METTL16: variants seen among roughly 807,000 people sequenced by gnomAD.
METTL16 encodes RNA N(6)-adenosine-methyltransferase METTL16.
In METTL16, 19 loss-of-function variants were observed where a neutral mutation model predicts 57.9. The ratio of observed to expected loss-of-function variants is 0.33; its 90% CI spans 0.23 to 0.48. The LOEUF is 0.48. Ranked by LOEUF, METTL16 falls within the 20% of genes least tolerant of loss-of-function variation. The pLI is 0.99. For synonymous variants in METTL16, 246 were observed against 255.6 expected, an observed-to-expected ratio of 0.96 and a Z score of 0.36; for missense variants, 434 against 691.5, an observed-to-expected ratio of 0.63 and a Z score of 4.18.
intron 6 of METTL16, among the ~76,000 whole-genome samples, chr17:2,451,728 G>A (rs1224600201): frequency 6.6e-6 from 1 of 152,032 alleles, no homozygotes; most frequent in Non-Finnish European, 1.5e-5. Flanking sequence ...AGAGAAATCG[G>A]GAGCAATTAG....
At chr17:2,454,068 G>A (rs1039139244) in intron 6 of METTL16, among the ~76,000 whole-genome samples, 1 of 152,064 alleles carries the variant, frequency 6.6e-6, no homozygotes, top group Non-Finnish European at 1.5e-5. Flanking sequence ...TGTTGTCCCA[G>A]CTTTGCCCTG....
chr17:2,424,839 TTGGG>T (rs1050774582), intron 8 of METTL16, among the ~76,000 whole-genome samples: 1 of 152,110 alleles, frequency 6.6e-6, no homozygotes, highest in African/African-American at 2.4e-5. Flanking sequence ...TCCCAGCTAC[TTGGG>T]AGGCTGAGGT....
chr17:2,504,141 T>C (rs1276523364), intron 1 of METTL16, among the ~76,000 whole-genome samples: 2 of 152,198 alleles, frequency 1.3e-5, no homozygotes, highest in East Asian at 3.8e-4. Context: ...TTGTATGCTT[T>C]CACTTATATG....
intron 5 of METTL16, among the ~76,000 whole-genome samples, chr17:2,465,416 T>A (rs1327246241): frequency 6.6e-6 from 1 of 151,638 alleles, no homozygotes; most frequent in Non-Finnish European, 1.5e-5. Context: ...GCGTGGTGGC[T>A]CACGCCTGTA....
Position 2,467,807 on chromosome 17 carries a change from A to C in METTL16, c.539T>G (p.Phe180Cys). The stretch of plus-strand genomic sequence containing the variant: ...AAAAAAGGGAGGGTTGCACATGCAA[A>C]AGTCATAGATTATCTCAGATTCTTC... ...LKEESEIIYD[F>C]CMCNPPFFAN... Residue 180 changes from phenylalanine (F) to cysteine (C), a missense_variant, in exon 5 of 10, where the codon TTT (phenylalanine) becomes TGT (cysteine). By Grantham distance (205) the Phe-to-Cys change is radical. This residue lies in a region of METTL16 where 118 missense variants were observed against 280.0 expected (regional missense o/e 0.42). Coordinates refer to ENST00000263092, the MANE Select transcript of METTL16 (RefSeq NM_024086.4). 1 of 1,614,208 alleles carries C rather than the reference A, an allele frequency of 6.2e-7. No homozygotes were observed. Among genetic ancestry groups the C allele is most frequent in the Non-Finnish European group, 8.5e-7 (1 of 1,180,028 alleles).
chr17:2,491,054 T>C (rs2067384390), intron 2 of METTL16, among the ~76,000 whole-genome samples: 1 of 152,128 alleles, frequency 6.6e-6, no homozygotes, highest in Admixed American at 6.6e-5. Flanking sequence ...AAAAATACTT[T>C]TGTTGGGCAA....
chr17:2,468,862 T>G (rs1352503730), intron 4 of METTL16, among the ~76,000 whole-genome samples: 1 of 151,886 alleles, frequency 6.6e-6, no homozygotes, highest in South Asian at 2.1e-4. Context: ...CACACCGGCA[T>G]GGATGACAGA....
At chr17:2,435,610 C>T (rs765842365) in intron 8 of METTL16, among the ~76,000 whole-genome samples, 12 of 152,154 alleles carry the variant, frequency 7.9e-5, no homozygotes, top group Non-Finnish European at 1.6e-4. Context: ...CCTGTAGCGG[C>T]TGAAGTGCGT....
At chr17:2,457,531 A>AT (rs2067120361) in intron 6 of METTL16, among the ~76,000 whole-genome samples, 1 of 151,790 alleles carries the variant, frequency 6.6e-6, no homozygotes, top group Non-Finnish European at 1.5e-5. Context: ...AACACGCTGA[A>AT]ACCCCATTTC....
At chr17:2,447,348 C>T (rs1468266720) in intron 6 of METTL16, among the ~76,000 whole-genome samples, 18 of 137,510 alleles carry the variant, frequency 1.3e-4, no homozygotes, top group Middle Eastern at 3.6e-3. Context: ...GCCTGGCAAC[C>T]GCCCCGTCTG....
intron 4 of METTL16, among the ~76,000 whole-genome samples, chr17:2,471,683 G>A (rs1187719342): frequency 6.6e-6 from 1 of 152,146 alleles, no homozygotes; most frequent in Non-Finnish European, 1.5e-5. Flanking sequence ...CAGCTACTCG[G>A]GAGGTGAGGC....
intron 4 of METTL16, among the ~76,000 whole-genome samples, chr17:2,468,225 T>C (rs1052694038): frequency 3.3e-5 from 5 of 152,240 alleles, no homozygotes; most frequent in African/African-American, 9.6e-5. Flanking sequence ...TCTCAGAATA[T>C]ATCCCTGCTG....
chr17:2,491,668 G>A (rs1010815302), intron 2 of METTL16, among the ~76,000 whole-genome samples: 11 of 152,020 alleles, frequency 7.2e-5, no homozygotes, highest in Admixed American at 3.3e-4. Context: ...GAGGTCAGGA[G>A]ATGGAGACCA....
chr17:2,475,155 AT>A (rs1423523671), intron 3 of METTL16: 1 of 152,150 alleles, frequency 6.6e-6, no homozygotes, highest in East Asian at 1.9e-4. Context: ...CTGCTTCCTC[AT>A]TACGCATCCT....
At chr17:2,447,408 G>A (rs1597447953) in intron 6 of METTL16, among the ~76,000 whole-genome samples, 1 of 140,608 alleles carries the variant, frequency 7.1e-6, no homozygotes, top group South Asian at 2.2e-4. Flanking sequence ...GGGAAGTGAG[G>A]AGCGTCTCCG....
intron 6 of METTL16, among the ~76,000 whole-genome samples, chr17:2,443,734 C>T (rs112269428): frequency 1.3e-5 from 2 of 152,100 alleles, no homozygotes; most frequent in African/African-American, 2.4e-5. Flanking sequence ...CTCCTGACCT[C>T]GTGATCCGTC....
At position 2,486,899 on chromosome 17, in the gene METTL16, G is replaced by A. The variant is rs572607018; in HGVS notation, c.129-9014C>T. Among the ~76,000 whole-genome samples, 133 of 150,908 alleles carry A rather than the reference G, an allele frequency of 8.8e-4. 2 individuals carry two copies. In the South Asian group the frequency reaches 0.02, roughly 23 times the overall value. The stretch of plus-strand genomic sequence containing the variant: ...AGGCGGGGGAGTGGGAGTAGGGCGC[G>A]GTACTGAGGTGGGAGGATCACTTGA... On this transcript the variant is annotated intron_variant, in intron 2 of 9. Coordinates refer to ENST00000263092, the MANE Select transcript of METTL16 (RefSeq NM_024086.4).
At position 2,497,720 on chromosome 17, in the gene METTL16, G is replaced by C. The variant is rs148533175; in HGVS notation, c.128+4484C>G. ...TTGTAAAAACACATCTGTTAGGTCT[G>C]CTTCAGACTGACAGGTTTTTTTTGG... On this transcript the variant is annotated intron_variant, in intron 2 of 9. Transcript: ENST00000263092. Among the ~76,000 whole-genome samples the C allele has an allele frequency of 2.0e-5, 3 of 151,534 alleles. No homozygotes were observed. In the East Asian group the frequency reaches 5.8e-4, roughly 30 times the overall value.
chr17:2,470,573 C>G (rs563312968), intron 4 of METTL16, among the ~76,000 whole-genome samples: 1 of 152,294 alleles, frequency 6.6e-6, no homozygotes, highest in South Asian at 2.1e-4. Flanking sequence ...CTTTGGGAGG[C>G]TGAGGCCAGA....
Sources: gnomAD v4.1 joint callset for allele counts (sites outside exome capture counted in the v4.1 genomes callset) on GRCh38, gnomAD v4.1.1 for gene constraint, gnomAD v4.1.1 regional missense constraint, MANE v1.5 for transcripts, NCBI Gene and HGNC (gene_info 2026-07-23, HGNC 2026-07-21) for gene names.